The following ACER1 variants were observed in gnomAD, a reference collection of about 807,000 sequenced individuals.
ACER1 encodes CTB-180A7.3.
ACER1 carries 28 observed loss-of-function variants against 24.9 expected under a neutral mutation model. The ratio of observed to expected loss-of-function variants is 1.13; its 90% CI spans 0.83 to 1.54. ACER1 has a LOEUF of 1.54. Among genes scored for constraint, ACER1 ranks in the 40% most tolerant of loss-of-function variants. The pLI is 0.00. For synonymous variants in ACER1, 132 were observed against 131.4 expected (o/e 1.00, Z -0.03); for missense variants, 352 against 349.3 (o/e 1.01, Z -0.06).
chr19:6,338,465 A>T (rs2091723251), upstream of ACER1, among the ~76,000 whole-genome samples: 1 of 152,228 alleles, frequency 6.6e-6, no homozygotes, highest in Admixed American at 6.5e-5. Context: ...TCATATTTAT[A>T]TCACCTTTCT....
chr19:6,311,627 G>A (rs2091581586), intron 3 of ACER1, among the ~76,000 whole-genome samples: 1 of 148,646 alleles, frequency 6.7e-6, no homozygotes, highest in Admixed American at 6.7e-5. Flanking sequence ...AGAAGGAGGA[G>A]GAGGAGAAGA....
At position 6,324,483 on chromosome 19, in the gene ACER1, C is replaced by A. The variant is rs182478044; in HGVS notation, c.93+8976G>T. ...GCACCATTTGAAACTCTCTGCCAGG[C>A]GAGGTGGCTCATGCCTGTAATCCCA... On this transcript the variant is annotated intron_variant, in intron 1 of 5. Coordinates refer to ENST00000301452, the MANE Select transcript of ACER1 (RefSeq NM_133492.3). Among the ~76,000 whole-genome samples the A allele has an allele frequency of 1.5e-4, 22 of 151,006 alleles. No individual in the cohort carries two copies. The Admixed American group carries it at 1.5e-3, about 10-fold the overall frequency.
the ACER1 span, among the ~76,000 whole-genome samples, chr19:6,350,166 A>AGAGGG: frequency 6.7e-6 from 1 of 150,304 alleles, no homozygotes; most frequent in Non-Finnish European, 1.5e-5. Context: ...GAAGGGAAGG[A>AGAGGG]GAGGGGAGGG....
Position 6,306,820 on chromosome 19 carries a change from T to C in ACER1, c.689A>G (p.Asn230Ser), listed in dbSNP as rs1381354406. Residue 230 changes from asparagine to serine, a missense_variant, in exon 6 of 6, where the codon AAC (asparagine) becomes AGC (serine). By Grantham distance (46) the Asn-to-Ser change is conservative. Transcript: ENST00000301452. ...GMVTMALVDANYEMPGETLKV... is the reference protein window; with the variant it reads ...GMVTMALVDASYEMPGETLKV... Reference sequence around the variant, plus strand: ...GAGGGTTTCACCTGGCATCTCATAGTTGGCATCCACCAAGGCCATGGTGAC... The same window carrying C: ...GAGGGTTTCACCTGGCATCTCATAGCTGGCATCCACCAAGGCCATGGTGAC... 1.2e-6 allele frequency: 2 copies of C among 1,614,064 alleles called. No homozygotes were observed. The highest frequency in any genetic ancestry group is 1.3e-5 in the African/African-American group (1 of 74,944).
chr19:6,355,410 G>C, the ACER1 span, among the ~76,000 whole-genome samples: 1 of 115,670 alleles, frequency 8.6e-6, no homozygotes, highest in Non-Finnish European at 1.7e-5. Context: ...CCCCATCTGG[G>C]AGGTGAGGAG....
Position 6,306,751 on chromosome 19 carries a change from G to C in ACER1, c.758C>G (p.Pro253Arg). 6.2e-7 allele frequency: 1 copy of C among 1,613,710 alleles called. No individual in the cohort carries two copies. Residue 253 changes from proline to arginine, a missense_variant, in exon 6 of 6, where the codon CCC becomes CGC. By Grantham distance (103) the Pro-to-Arg change is moderately radical. Transcript: ENST00000301452. ...GTCATCACCCCGGATTTCCACGTAG[G>C]GCAGCCCCACGGGCCAACTGTCCCG... ...WPRDSWPVGL[P>R]YVEIRGDDKD...
At chr19:6,324,704 G>A (rs1478715317) in intron 1 of ACER1, among the ~76,000 whole-genome samples, 2 of 151,648 alleles carry the variant, frequency 1.3e-5, no homozygotes, top group Non-Finnish European at 2.9e-5. Flanking sequence ...GGCAGAGATT[G>A]CACTGTTGCA....
chr19:6,339,554 G>A, the ACER1 span, among the ~76,000 whole-genome samples: 1 of 152,210 alleles, frequency 6.6e-6, no homozygotes, highest in South Asian at 2.1e-4. Context: ...TGGCTGCATA[G>A]ACATGCGAAT....
chr19:6,349,812 G>T, the ACER1 span, among the ~76,000 whole-genome samples: 17 of 152,066 alleles, frequency 1.1e-4, no homozygotes, highest in African/African-American at 3.9e-4. Flanking sequence ...ACATCCCTTG[G>T]CTGGGCAGTA....
At chr19:6,312,574 T>C in intron 1 of ACER1, 75 bp from the exon 2 acceptor site, 1 of 1,173,838 alleles carries the variant, frequency 8.5e-7, no homozygotes, top group East Asian at 2.4e-5. Context: ...GTCCAGACAC[T>C]CAGTCACCAG....
chr19:6,307,762 G>A (rs111409633), intron 4 of ACER1, among the ~76,000 whole-genome samples: 12,337 of 152,076 alleles, frequency 0.081, 708 homozygotes, highest in Non-Finnish European at 0.12. Flanking sequence ...CTGCACTCCG[G>A]CCTGGGTGAC....
chr19:6,352,620 C>T, the ACER1 span, among the ~76,000 whole-genome samples: 1 of 152,214 alleles, frequency 6.6e-6, no homozygotes, highest in Admixed American at 6.5e-5. Context: ...ATGAACAACT[C>T]TGCCATAAGC....
Position 6,307,179 on chromosome 19 carries a change from A to C in ACER1, c.600T>G (p.Ile200Met), listed in dbSNP as rs1006850744. The change falls in exon 5 of 6, where the codon ATT becomes ATG. Residue 200 changes from isoleucine to methionine, a missense_variant. Transcript: ENST00000301452. ...DRLLCSFWQR[I>M]HFFYLHSIWH... ...AGATGCTGTGCAGATAGAAGAAATG[A>C]ATCCTCTGCCAGAAGCTGCAAAGCA... is the stretch of plus-strand genomic sequence containing the variant. The C allele has an allele frequency of 6.2e-7, 1 of 1,614,106 alleles. No individual in the cohort carries two copies. The highest frequency in any genetic ancestry group is 8.5e-7 in the Non-Finnish European group (1 of 1,180,040).
intron 4 of ACER1, among the ~76,000 whole-genome samples, 153 bp from the exon 5 acceptor site, chr19:6,307,443 G>T (rs1346391174): frequency 2.0e-5 from 3 of 151,806 alleles, no homozygotes; most frequent in South Asian, 2.1e-4. Context: ...GCCCAATCTC[G>T]TGCTTAGAAC....
the ACER1 span, among the ~76,000 whole-genome samples, chr19:6,354,287 A>G: frequency 6.6e-6 from 1 of 150,394 alleles, no homozygotes; most frequent in East Asian, 2.0e-4. Context: ...GCAATGTCTG[A>G]GATACTTTTT....
At chr19:6,355,803 G>A in the ACER1 span, among the ~76,000 whole-genome samples, 1 of 146,666 alleles carries the variant, frequency 6.8e-6, no homozygotes, top group South Asian at 2.1e-4. Context: ...GAGGTGGGGG[G>A]TTCAGCCCCC....
upstream of ACER1, among the ~76,000 whole-genome samples, chr19:6,336,693 G>A (rs867986399): frequency 1.3e-5 from 2 of 151,064 alleles, no homozygotes; most frequent in Non-Finnish European, 2.9e-5. Flanking sequence ...GGTGGCGGGC[G>A]CCTGTAGTCC....
intron 1 of ACER1, among the ~76,000 whole-genome samples, chr19:6,332,266 CT>C (rs1199664621): frequency 0.079 from 7,912 of 99,730 alleles, 156 homozygotes; most frequent in East Asian, 0.23. Context: ...CGCGCCCGGC[CT>C]TTTTTTTTTT....
intron 3 of ACER1, among the ~76,000 whole-genome samples, chr19:6,310,456 A>G (rs1312731747): frequency 6.6e-6 from 1 of 152,036 alleles, no homozygotes; most frequent in Admixed American, 6.6e-5. Flanking sequence ...CTGTAATCCC[A>G]GCTACTCAGG....
Sources: gnomAD v4.1 joint callset for allele counts (sites outside exome capture counted in the v4.1 genomes callset) on GRCh38, gnomAD v4.1.1 for gene constraint, MANE v1.5 for transcripts, NCBI Gene and HGNC (gene_info 2026-07-23, HGNC 2026-07-21) for gene names.